The following CACNA1A variants were observed in gnomAD, a reference collection of about 807,000 sequenced individuals.
The protein encoded by CACNA1A is calcium voltage-gated channel subunit alpha1 A.
CACNA1A carries 57 observed loss-of-function variants against 262.4 expected under a neutral mutation model. The ratio of observed to expected loss-of-function variants is 0.22; its 90% CI spans 0.18 to 0.27. The LOEUF is 0.27. CACNA1A is among the 10% of genes least tolerant of loss of function. The pLI is 1.00. For synonymous variants in CACNA1A, 1,431 were observed against 1,419.3 expected, an observed-to-expected ratio of 1.01 and a Z score of -0.18; for missense variants, 2,526 against 3,562.8, an observed-to-expected ratio of 0.71 and a Z score of 7.41.
intron 3 of CACNA1A, among the ~76,000 whole-genome samples, chr19:13,391,188 A>G (rs532777804): frequency 4.6e-5 from 7 of 152,190 alleles, no homozygotes; most frequent in South Asian, 2.1e-4. Context: ...CCTGGCCCCA[A>G]TTGCATCTTT....
chr19:13,276,789 G>A (rs1433689565), intron 23 of CACNA1A, among the ~76,000 whole-genome samples: 1 of 147,792 alleles, frequency 6.8e-6, no homozygotes, highest in Admixed American at 7.0e-5. Flanking sequence ...CCTCCACATC[G>A]GCTCATTGCA....
chr19:13,417,964 T>C (rs999652669), intron 3 of CACNA1A, among the ~76,000 whole-genome samples: 2 of 150,422 alleles, frequency 1.3e-5, no homozygotes, highest in Non-Finnish European at 1.5e-5. Flanking sequence ...CCCTGTCCCC[T>C]GTCAAGAGCT....
At chr19:13,243,137 G>A (rs1600155167) in intron 31 of CACNA1A, among the ~76,000 whole-genome samples, 1 of 152,366 alleles carries the variant, frequency 6.6e-6, no homozygotes, top group East Asian at 1.9e-4. Flanking sequence ...AAGATATTTT[G>A]ATTGCCAGCT....
rs765309213 is a variant in CACNA1A at position 13,208,826 on chromosome 19, C to T, written c.6710G>A (p.Arg2237Gln). 6.5e-6 allele frequency: 10 copies of T among 1,532,484 alleles called. No homozygotes were observed. Among genetic ancestry groups the T allele is most frequent in the African/African-American group, 4.1e-5 (3 of 72,970 alleles). The allele number at this position is 1,532,484 out of a possible 1,614,324, so 94.9% of individuals were successfully genotyped here. A position where few individuals can be genotyped will look rare whatever the true frequency, so the allele number is the denominator to read the frequency against. Reference protein sequence around the residue: ...RYAQERPDHGRARARDQRWSR... With the variant: ...RYAQERPDHGQARARDQRWSR... Reference sequence around the variant, plus strand: ...CCAGCGCTGGTCCCGAGCCCGTGCCCGGCCGTGGTCCGGCCGTTCCTGGGC... The same window carrying T: ...CCAGCGCTGGTCCCGAGCCCGTGCCTGGCCGTGGTCCGGCCGTTCCTGGGC... Residue 2237 changes from arginine (R) to glutamine (Q), a missense_variant, in exon 46 of 47, where the codon CGG becomes CAG. Physicochemically the swap from Arg to Gln is conservative, Grantham distance 43. Coordinates refer to ENST00000360228, the MANE Select transcript of CACNA1A (RefSeq NM_001127222.2).
chr19:13,408,229 G>A lies in CACNA1A; in HGVS notation c.540-36450C>T, dbSNP rs151147670. 5.7e-3 allele frequency among the ~76,000 whole-genome samples: 863 copies of A among 152,188 alleles called. 2 individuals are homozygous for A. Among genetic ancestry groups the A allele is most frequent in the Non-Finnish European group, 8.9e-3 (607 of 67,968 alleles). ...CAAAAATTACAAGAATTAGCCTGGCGTGGTGGCTTGTACCTGTGGTGTCCC... is the reference window on the plus strand; with the variant it reads ...CAAAAATTACAAGAATTAGCCTGGCATGGTGGCTTGTACCTGTGGTGTCCC... On this transcript the variant is annotated intron_variant, in intron 3 of 46. Transcript: ENST00000360228.
intron 34 of CACNA1A, 54 bp downstream of exon 34, chr19:13,234,867 G>A: frequency 8.2e-7 from 1 of 1,213,256 alleles, no homozygotes. Context: ...GAAGGATGAA[G>A]GCAGGCACCC....
chr19:13,336,725 G>A lies in CACNA1A; in HGVS notation c.979-816C>T, dbSNP rs549782951. Among the ~76,000 whole-genome samples, 10 of 151,950 alleles carry A rather than the reference G, an allele frequency of 6.6e-5. No individual in the cohort carries two copies. The East Asian group carries it at 1.9e-3, about 29-fold the overall frequency. On this transcript the variant is annotated intron_variant, in intron 6 of 46. Coordinates refer to ENST00000360228, the MANE Select transcript of CACNA1A (RefSeq NM_001127222.2). ...CACATTATGTATGTTAGCTCACTTA[G>A]TCATTTAATCCTCATGATGCCTCTA...
At chr19:13,425,125 G>C (rs1014466872) in intron 3 of CACNA1A, among the ~76,000 whole-genome samples, 3 of 152,106 alleles carry the variant, frequency 2.0e-5, no homozygotes, top group Admixed American at 2.0e-4. Flanking sequence ...TTCTAATGCA[G>C]TAAGCTGGGT....
chr19:13,476,758 A>C (rs551386241), intron 1 of CACNA1A, among the ~76,000 whole-genome samples: 1 of 152,058 alleles, frequency 6.6e-6, no homozygotes, highest in Non-Finnish European at 1.5e-5. Flanking sequence ...AAAAATTATA[A>C]CCAGAATCCA....
intron 3 of CACNA1A, among the ~76,000 whole-genome samples, chr19:13,412,066 T>C (rs573685836): frequency 6.6e-6 from 1 of 151,894 alleles, no homozygotes; most frequent in Admixed American, 6.6e-5. Flanking sequence ...AATCTAAAAT[T>C]AAGTCAACAC....
At chr19:13,233,664 A>T (rs2055752627) in intron 34 of CACNA1A, among the ~76,000 whole-genome samples, 1 of 151,706 alleles carries the variant, frequency 6.6e-6, no homozygotes, top group Non-Finnish European at 1.5e-5. Context: ...ATTAAAAACA[A>T]TTTTTTTGTA....
intron 24 of CACNA1A, among the ~76,000 whole-genome samples, chr19:13,269,444 C>T (rs1243638716): frequency 6.6e-6 from 1 of 152,128 alleles, no homozygotes; most frequent in East Asian, 1.9e-4. Flanking sequence ...AAAAATAATG[C>T]CTTCAGGGGT....
At chr19:13,466,877 A>ATTTATTTAT (rs2061252729) in intron 1 of CACNA1A, among the ~76,000 whole-genome samples, 2 of 142,524 alleles carry the variant, frequency 1.4e-5, no homozygotes, top group African/African-American at 2.7e-5. Flanking sequence ...TTAAATTTCC[A>ATTTATTTAT]TTATTTATTT....
intron 6 of CACNA1A, among the ~76,000 whole-genome samples, chr19:13,358,274 G>C (rs1427294279): frequency 6.6e-6 from 1 of 151,930 alleles, no homozygotes; most frequent in Non-Finnish European, 1.5e-5. Context: ...CTGTGCAAAA[G>C]AATAAAGAAG....
intron 6 of CACNA1A, among the ~76,000 whole-genome samples, chr19:13,336,608 A>AGAGGGAGAGG (rs2058577995): frequency 7.5e-6 from 1 of 133,476 alleles, no homozygotes; most frequent in African/African-American, 2.7e-5. Context: ...AGAGAGAGAG[A>AGAGGGAGAGG]GAGAGAGAGA....
intron 1 of CACNA1A, 135 bp downstream of exon 1, chr19:13,505,797 C>A (rs1403996650): frequency 1.1e-6 from 1 of 870,854 alleles, no homozygotes. Flanking sequence ...CCGGTGCCCC[C>A]TCTCCCAGCC....
chr19:13,274,016 G>A (rs1471658088), intron 24 of CACNA1A: 1 of 152,048 alleles, frequency 6.6e-6, no homozygotes, highest in Non-Finnish European at 1.5e-5. Context: ...CCAAAGTGCT[G>A]GGATTGCAGG....
At chr19:13,389,041 T>C (rs1396041824) in intron 3 of CACNA1A, among the ~76,000 whole-genome samples, 1 of 152,134 alleles carries the variant, frequency 6.6e-6, no homozygotes, top group Non-Finnish European at 1.5e-5. Context: ...TAGTTGGGAT[T>C]ACAGGCACCC....
rs374664760 is a variant in CACNA1A, at chr19:13,298,955, C to T, written c.2678G>A (p.Arg893Gln). 5.7e-4 allele frequency: 904 copies of T among 1,587,868 alleles called. No individual in the cohort carries two copies. The African/African-American group carries it at 6.6e-3, about 12-fold the overall frequency. Reference sequence around the variant, plus strand: ...CGACTCGCGGCCGTAGGGTCCCTCCCGGCTCAGCTCGGCCTCCTGGCTTCC... The same window carrying T: ...CGACTCGCGGCCGTAGGGTCCCTCCTGGCTCAGCTCGGCCTCCTGGCTTCC... ...WAGSQEAELS[R>Q]EGPYGRESDH... Residue 893 changes from arginine to glutamine, a missense_variant, in exon 19 of 47, where the codon CGG becomes CAG. Physicochemically the swap from Arg to Gln is conservative, Grantham distance 43. Coordinates refer to ENST00000360228, the MANE Select transcript of CACNA1A (RefSeq NM_001127222.2).
Sources: gnomAD v4.1 joint callset for allele counts (sites outside exome capture counted in the v4.1 genomes callset) on GRCh38, gnomAD v4.1.1 for gene constraint, MANE v1.5 for transcripts, NCBI Gene and HGNC (gene_info 2026-07-23, HGNC 2026-07-21) for gene names.